Variants in EIF4A3 observed in about 807,000 individuals in gnomAD.
The protein encoded by EIF4A3 is eukaryotic initiation factor 4A-III.
EIF4A3 carries 1 observed loss-of-function variant against 55.6 expected under a neutral mutation model. The observed-to-expected ratio is 0.02, with a 90% CI of 0.01 to 0.09. The LOEUF (loss-of-function observed/expected upper bound fraction) is 0.09. Ranked by LOEUF, EIF4A3 falls within the 10% of genes least tolerant of loss-of-function variation. The probability of loss-of-function intolerance (pLI) is 1.00; values close to 1 mark genes in which losing one functional copy is unlikely to be tolerated. For missense variants in EIF4A3, 221 were observed against 540.7 expected (o/e 0.41, Z 5.86); for synonymous variants, 194 against 196.3 (o/e 0.99, Z 0.10).
chr17:80,134,615 T>G lies in EIF4A3; in HGVS notation c.*875A>C, dbSNP rs1010635507. Among the ~76,000 whole-genome samples the G allele has an allele frequency of 6.6e-6, 1 of 151,402 alleles. No individual in the cohort carries two copies. Among genetic ancestry groups the G allele is most frequent in the Admixed American group, 6.6e-5 (1 of 15,230 alleles). On this transcript the variant is annotated 3_prime_UTR_variant, in exon 12 of 12. Coordinates refer to ENST00000649764, the MANE Select transcript of EIF4A3 (RefSeq NM_014740.4). ...AAGATGGGAGAATCACTTAAACCCA[T>G]GAGTGACAGACCAGCCTAGGCCACA...
chr17:80,144,571 C>A (rs2039643854), intron 1 of EIF4A3, among the ~76,000 whole-genome samples: 1 of 151,742 alleles, frequency 6.6e-6, no homozygotes, highest in South Asian at 2.1e-4. Flanking sequence ...ATGTTCCTGG[C>A]AGTTACTGCA....
chr17:80,140,891 G>T (rs2039612267), intron 4 of EIF4A3, among the ~76,000 whole-genome samples: 1 of 151,722 alleles, frequency 6.6e-6, no homozygotes, highest in Non-Finnish European at 1.5e-5. Flanking sequence ...CTGCCTCCCG[G>T]GTTCAAGTGA....
chr17:80,137,580 T>C (rs2143985954), intron 8 of EIF4A3, 79 bp from the exon 9 acceptor site: 1 of 1,072,108 alleles, frequency 9.3e-7, no homozygotes, highest in South Asian at 1.5e-5. Context: ...TACCGCATCA[T>C]TTGCAGAACC....
At chr17:80,146,725 C>T in intron 1 of EIF4A3, 68 bp downstream of exon 1, 2 of 1,541,696 alleles carry the variant, frequency 1.3e-6, no homozygotes, top group South Asian at 2.3e-5. Flanking sequence ...AGTCACCAGT[C>T]TGGCCCTCAG....
chr17:80,137,545 A>C, intron 8 of EIF4A3, 44 bp from the exon 9 acceptor site: 6 of 1,510,216 alleles, frequency 4.0e-6, no homozygotes, highest in Non-Finnish European at 5.5e-6. Flanking sequence ...TAGTATACCA[A>C]AGCAGAGATG....
chr17:80,143,324 T>G (rs539241410), intron 2 of EIF4A3, among the ~76,000 whole-genome samples: 1 of 152,190 alleles, frequency 6.6e-6, no homozygotes, highest in African/African-American at 2.4e-5. Flanking sequence ...CCTGAGTTCT[T>G]TGAGCTGCTG....
At chr17:80,140,218 C>T in intron 4 of EIF4A3, 78 bp from the exon 5 acceptor site, 1 of 1,407,202 alleles carries the variant, frequency 7.1e-7, no homozygotes, top group Admixed American at 2.7e-5. Context: ...ACTGTTTCTC[C>T]TCCGAGATGA....
At chr17:80,143,853 G>A (rs905706633) in intron 2 of EIF4A3, among the ~76,000 whole-genome samples, 1 of 152,082 alleles carries the variant, frequency 6.6e-6, no homozygotes, top group African/African-American at 2.4e-5. Flanking sequence ...GGTGGTGCAT[G>A]CCTGTAATCC....
rs1303416310 is a variant in EIF4A3 at position 80,135,086 on chromosome 17, A to T, written c.*404T>A. 1.3e-5 allele frequency: 2 copies of T among 157,532 alleles called. No individual in the cohort carries two copies. Among genetic ancestry groups the T allele is most frequent in the African/African-American group, 4.8e-5 (2 of 41,466 alleles). 9.8% of individuals were successfully genotyped at this position (157,532 alleles called of 1,614,324 possible). ...AGAATGGCATGAACCCAGGAAGTGG[A>T]GCTTGCGGTGAGAGGAGATCACGCC... On this transcript the variant is annotated 3_prime_UTR_variant, in exon 12 of 12. Coordinates refer to ENST00000649764, the MANE Select transcript of EIF4A3 (RefSeq NM_014740.4).
At chr17:80,138,448 C>A in intron 7 of EIF4A3, 168 bp from the exon 8 acceptor site, 1 of 663,514 alleles carries the variant, frequency 1.5e-6, no homozygotes. Context: ...ACTTCCGTCA[C>A]ACAGGCCTCC....
chr17:80,139,835 G>A (rs1431189486), intron 5 of EIF4A3, 85 bp from the exon 6 acceptor site: 5 of 1,505,916 alleles, frequency 3.3e-6, no homozygotes, highest in South Asian at 1.2e-5. Flanking sequence ...CCAAGAAAGA[G>A]CTCATCATTC....
rs1468477648 is a variant in EIF4A3, at chr17:80,135,326, AAG to A, written c.*162_*163del. ...TGTATTATTTACATGTAAATAAGAA[AAG>A]AGAGCAGAATCCCCATATCCTCTTC... is the stretch of plus-strand genomic sequence containing the variant. On this transcript the variant is annotated 3_prime_UTR_variant, in exon 12 of 12. Transcript: ENST00000649764. 4.5e-6 allele frequency: 3 copies of A among 661,052 alleles called. No individual in the cohort carries two copies. The highest frequency in any genetic ancestry group is 3.7e-5 in the African/African-American group (2 of 53,716). 40.9% of individuals were successfully genotyped at this position (661,052 alleles called of 1,614,324 possible).
At position 80,147,099 on chromosome 17, in the gene EIF4A3, A is replaced by ACCTCGCTGTGCCGCTGCCGC. The variant is rs2039675697; in HGVS notation, c.-139_-138insGCGGCAGCGGCACAGCGAGG. 1.6e-6 allele frequency: 2 copies of ACCTCGCTGTGCCGCTGCCGC among 1,273,750 alleles called. No homozygotes were observed. The highest frequency in any genetic ancestry group is 1.0e-6 in the Non-Finnish European group (1 of 983,322). 78.9% of individuals were successfully genotyped at this position (1,273,750 alleles called of 1,614,324 possible). A position where few individuals can be genotyped will look rare whatever the true frequency, so the allele number is the denominator to read the frequency against. On this transcript the variant is annotated 5_prime_UTR_variant, in exon 1 of 12. Coordinates refer to ENST00000649764, the MANE Select transcript of EIF4A3 (RefSeq NM_014740.4). ...TGCCGACCTCGCTGTGCCGCTGCCG[A>ACCTCGCTGTGCCGCTGCCGC]CCTCGCTGTGCCGCTGCCGACCTCG...
Position 80,135,380 on chromosome 17 carries a change from A to C in EIF4A3, c.*110T>G. 7.7e-7 allele frequency: 1 copy of C among 1,305,560 alleles called. No homozygotes were observed. The highest frequency in any genetic ancestry group is 2.6e-5 in the East Asian group (1 of 37,764). The allele number at this position is 1,305,560 out of a possible 1,614,324, so 80.9% of individuals were successfully genotyped here. A position where few individuals can be genotyped will look rare whatever the true frequency, so the allele number is the denominator to read the frequency against. On this transcript the variant is annotated 3_prime_UTR_variant, in exon 12 of 12. Transcript: ENST00000649764. ...AAGGAAGGGAGACGGCAGGCCATTT[A>C]TGAGAAGAAAGTCCATATAAACCCC...
intron 6 of EIF4A3, 176 bp downstream of exon 6, chr17:80,139,494 A>G: frequency 1.5e-6 from 1 of 671,626 alleles, no homozygotes; most frequent in African/African-American, 1.8e-5. Context: ...CAATGAACAA[A>G]TAAATAAAAT....
rs376371546 is a variant in EIF4A3, at chr17:80,135,990, G to A, written c.1219+14C>T. The A allele has an allele frequency of 6.2e-7, 1 of 1,612,888 alleles. No homozygotes were observed. Among genetic ancestry groups the A allele is most frequent in the African/African-American group, 1.3e-5 (1 of 74,886 alleles). The stretch of plus-strand genomic sequence containing the variant: ...TTCCCTCTACAATTACAGTAGAGCT[G>A]GACGATTTCCTACCGTTCATCGGCA... On this transcript the variant is annotated intron_variant, in intron 11 of 11. Coordinates refer to ENST00000649764, the MANE Select transcript of EIF4A3 (RefSeq NM_014740.4).
intron 1 of EIF4A3, among the ~76,000 whole-genome samples, chr17:80,146,093 G>A (rs921676691): frequency 1.3e-5 from 2 of 151,464 alleles, no homozygotes; most frequent in Non-Finnish European, 2.9e-5. Flanking sequence ...CAAATTATTC[G>A]TCACCCTACA....
chr17:80,138,199 G>A lies in EIF4A3; in HGVS notation c.810C>T (p.Asp270=), dbSNP rs1302322210. The change falls in exon 8 of 12, where the codon GAC becomes GAT. Residue 270 remains aspartate (D), a synonymous_variant. Transcript: ENST00000649764. The stretch of plus-strand genomic sequence containing the variant: ...GAGTGATGGTCAGTGTGTCGTAGAG[G>A]TCACACAGAGTGTCAAATTTCCACT... The part of the protein sequence containing the change: ...REEWKFDTLC[D]LYDTLTITQA... The A allele has an allele frequency of 9.3e-6, 15 of 1,614,120 alleles. No individual in the cohort carries two copies. In the South Asian group the frequency reaches 1.5e-4, roughly 17 times the overall value.
chr17:80,141,676 A>G (rs1346805118), intron 3 of EIF4A3, 106 bp downstream of exon 3: 13 of 1,174,082 alleles, frequency 1.1e-5, no homozygotes, highest in Non-Finnish European at 1.6e-5. Flanking sequence ...GAGTCAATAC[A>G]TACTAGAAAA....
Sources: allele counts gnomAD v4.1 joint callset (sites outside exome capture counted in the v4.1 genomes callset), GRCh38; gene constraint gnomAD v4.1.1; transcripts MANE v1.5; gene names NCBI Gene and HGNC (gene_info 2026-07-23, HGNC 2026-07-21).